The following DNAH17 variants were observed in gnomAD, a reference collection of about 807,000 sequenced individuals.
The protein encoded by DNAH17 is axonemal beta dynein heavy chain 17.
Under a neutral mutation model 485.6 loss-of-function variants are expected in DNAH17, and 376 were observed. That is an observed-to-expected ratio of 0.77 (90% CI 0.71 to 0.84). The LOEUF (loss-of-function observed/expected upper bound fraction) is 0.84, where lower values mean the gene tolerates loss of function less well. DNAH17 is among the 40% of genes least tolerant of loss of function. DNAH17 has a pLI of 0.00. For missense variants in DNAH17, 6,370 were observed against 5,839.3 expected, an observed-to-expected ratio of 1.09 and a Z score of -2.96; for synonymous variants, 3,031 against 2,405.9, an observed-to-expected ratio of 1.26 and a Z score of -7.60.
chr17:78,510,445 CTG>C lies in DNAH17; in HGVS notation c.4173_4174del (p.His1391GlnfsTer5). ...GATGTTGCGGACCTCATCCTCGTAA[CTG>C]TGGAGGTTCAGCTGCAGTAAATCTG... On this transcript the variant is annotated frameshift_variant, in exon 27 of 81. Coordinates refer to ENST00000389840, the MANE Select transcript of DNAH17 (RefSeq NM_173628.4). LOFTEE classifies it high-confidence loss of function. The C allele has an allele frequency of 6.2e-7, 1 of 1,613,824 alleles. No homozygotes were observed. The highest frequency in any genetic ancestry group is 2.2e-5 in the East Asian group (1 of 44,884).
chr17:78,440,460 A>G (rs1422379617), intron 72 of DNAH17, among the ~76,000 whole-genome samples: 4 of 151,718 alleles, frequency 2.6e-5, no homozygotes, highest in Admixed American at 2.0e-4. Context: ...GGGTTTTGCC[A>G]TGTTGCCAAG....
intron 26 of DNAH17, among the ~76,000 whole-genome samples, chr17:78,511,514 G>A (rs1052439722): frequency 6.6e-6 from 1 of 152,196 alleles, no homozygotes; most frequent in Non-Finnish European, 1.5e-5. Context: ...TAGGCAAAGC[G>A]CTCTGTGGCA....
At chr17:78,538,589 C>T (rs8071075) in intron 18 of DNAH17, among the ~76,000 whole-genome samples, 116,658 of 152,106 alleles carry the variant, frequency 0.77, 44,795 homozygotes, top group African/African-American at 0.78. Flanking sequence ...GACCAGACTT[C>T]TCTAAAGACT....
chr17:78,538,703 G>A (rs932326645), intron 18 of DNAH17, among the ~76,000 whole-genome samples: 7 of 152,314 alleles, frequency 4.6e-5, no homozygotes, highest in African/African-American at 1.4e-4. Context: ...TTTTTGTTGA[G>A]ACGCTTTCAC....
chr17:78,461,127 G>T lies in DNAH17; in HGVS notation c.9339+417C>A, dbSNP rs2088101515. 2.0e-5 allele frequency among the ~76,000 whole-genome samples: 3 copies of T among 152,062 alleles called. No individual in the cohort carries two copies. In the South Asian group the frequency reaches 6.3e-4, roughly 32 times the overall value. On this transcript the variant is annotated intron_variant, in intron 58 of 80. Coordinates refer to ENST00000389840, the MANE Select transcript of DNAH17 (RefSeq NM_173628.4). ...AGTAACGTCCTACCCTCTCGGGGGG[G>T]GCCCGGAGCCGCACGTCTGAGGACC... is the stretch of plus-strand genomic sequence containing the variant.
intron 20 of DNAH17, among the ~76,000 whole-genome samples, chr17:78,531,544 T>TA (rs1317540612): frequency 6.6e-6 from 1 of 151,842 alleles, no homozygotes; most frequent in African/African-American, 2.4e-5. Context: ...TTCACCGTGT[T>TA]AGCCAGGATG....
chr17:78,471,780 C>T (rs1381726718), intron 54 of DNAH17, among the ~76,000 whole-genome samples: 2 of 152,282 alleles, frequency 1.3e-5, no homozygotes, highest in Non-Finnish European at 2.9e-5. Flanking sequence ...ACCTCACCTT[C>T]CCCGCTCACT....
chr17:78,428,021 CCAGA>C (rs375597633), intron 77 of DNAH17, among the ~76,000 whole-genome samples: 103 of 151,734 alleles, frequency 6.8e-4, no homozygotes, highest in African/African-American at 2.4e-3. Context: ...ACAGAGCCAC[CCAGA>C]CAAGCGAGAA....
intron 5 of DNAH17, 103 bp from the exon 6 acceptor site, chr17:78,571,136 G>T (rs1470238214): frequency 1.3e-5 from 17 of 1,295,572 alleles, no homozygotes; most frequent in African/African-American, 4.4e-5. Flanking sequence ...TTCAGGAAAT[G>T]GGGCCTTTCT....
chr17:78,531,122 G>C (rs575291980), intron 20 of DNAH17, among the ~76,000 whole-genome samples: 23 of 152,296 alleles, frequency 1.5e-4, no homozygotes, highest in African/African-American at 5.3e-4. Context: ...TAGATGATCT[G>C]TCTGACGCTG....
chr17:78,494,482 A>C, intron 40 of DNAH17, 111 bp downstream of exon 40: 1 of 1,250,700 alleles, frequency 8.0e-7, no homozygotes, highest in Admixed American at 2.1e-5. Context: ...TCTTTGTAGC[A>C]TCGGGAAACG....
intron 77 of DNAH17, 168 bp from the exon 78 acceptor site, chr17:78,427,276 A>G (rs1240452087): frequency 1.5e-6 from 1 of 663,250 alleles, no homozygotes; most frequent in Non-Finnish European, 2.6e-6. Context: ...CACACATTTG[A>G]TGAGGAGAGG....
At chr17:78,470,254 G>A (rs1430635932) in intron 54 of DNAH17, among the ~76,000 whole-genome samples, 2 of 150,916 alleles carry the variant, frequency 1.3e-5, no homozygotes, top group Admixed American at 6.6e-5. Context: ...TTTTGGTAGA[G>A]ACAGGGTTTT....
intron 69 of DNAH17, 29 bp from the exon 70 acceptor site, chr17:78,445,709 A>T (rs946224601): frequency 1.3e-6 from 2 of 1,581,888 alleles, no homozygotes; most frequent in African/African-American, 1.3e-5. Flanking sequence ...GTACACACTT[A>T]ACGCAGCCAG....
At chr17:78,473,243 G>A (rs142393154) in intron 54 of DNAH17, among the ~76,000 whole-genome samples, 76 of 152,234 alleles carry the variant, frequency 5.0e-4, no homozygotes, top group African/African-American at 1.7e-3. Context: ...CACAGAAGCG[G>A]CTTAAGAAAT....
rs778357087 is a variant in DNAH17, at chr17:78,490,826, C to T, written c.6691G>A (p.Glu2231Lys). 5.6e-6 allele frequency: 9 copies of T among 1,601,424 alleles called. No individual in the cohort carries two copies. The highest frequency in any genetic ancestry group is 5.1e-5 in the Admixed American group (3 of 58,266). Residue 2231 changes from glutamate (E) to lysine (K), a missense_variant, in exon 44 of 81, where the codon GAG becomes AAG. By Grantham distance (56) the Glu-to-Lys change is moderately conservative (BLOSUM62 1). Coordinates refer to ENST00000389840, the MANE Select transcript of DNAH17 (RefSeq NM_173628.4). ...ATGGTGCGGTTCAGGGGGATCCGCT[C>T]GTTGCTGGCCAGGGTGAGGACCTAG... is the stretch of plus-strand genomic sequence containing the variant. ...DNKVLTLASNERIPLNRTMRL... is the reference protein window; with the variant it reads ...DNKVLTLASNKRIPLNRTMRL...
chr17:78,481,472 CA>C (rs2089348401), intron 48 of DNAH17, among the ~76,000 whole-genome samples: 1 of 152,118 alleles, frequency 6.6e-6, no homozygotes, highest in African/African-American at 2.4e-5. Flanking sequence ...AAACAAGAGG[CA>C]AAAGAGTGGC....
intron 51 of DNAH17, among the ~76,000 whole-genome samples, chr17:78,477,956 TCCACCATCACCACCACCATCATCATCA>T (rs1207252098): frequency 6.4e-4 from 69 of 107,472 alleles, no homozygotes; most frequent in Middle Eastern, 6.9e-3. Flanking sequence ...CATTATCATC[TCCACCATCACCACCACCATCATCATCA>T]CCACCATCAC....
intron 16 of DNAH17, among the ~76,000 whole-genome samples, chr17:78,550,394 C>T (rs1432054197): frequency 6.6e-6 from 1 of 152,294 alleles, no homozygotes; most frequent in East Asian, 1.9e-4. Context: ...CTGTGCCCCC[C>T]AAATCCGTGT....
Sources: allele counts gnomAD v4.1 joint callset (sites outside exome capture counted in the v4.1 genomes callset), GRCh38; gene constraint gnomAD v4.1.1; transcripts MANE v1.5; gene names NCBI Gene and HGNC (gene_info 2026-07-23, HGNC 2026-07-21).